The following ROBO2 variants were observed in gnomAD, a reference collection of about 807,000 sequenced individuals.
ROBO2 encodes roundabout guidance receptor 2, also known as roundabout homolog 2.
A neutral mutation model predicts 160.8 loss-of-function variants in ROBO2; 53 were observed. That is an observed-to-expected ratio of 0.33 (90% CI 0.26 to 0.41). ROBO2 has a LOEUF of 0.41. ROBO2 is among the 10% of genes least tolerant of loss of function. The pLI is 1.00. For synonymous variants in ROBO2, 664 were observed against 611.7 expected (o/e 1.09, Z -1.26); for missense variants, 1,577 against 1,722.4 (o/e 0.92, Z 1.49).
Position 77,397,452 on chromosome 3 carries a change from T to A in ROBO2, c.389-79962T>A, listed in dbSNP as rs2075385976. 2.0e-5 allele frequency among the ~76,000 whole-genome samples: 3 copies of A among 152,134 alleles called. No homozygotes were observed. In the South Asian group the frequency reaches 6.2e-4, roughly 32 times the overall value. On this transcript the variant is annotated intron_variant, in intron 2 of 25. Coordinates refer to ENST00000461745, the Ensembl canonical transcript of ROBO2. ...CGTCTTCATGAGTCCCATCATAACA[T>A]GTGCTCTTACCTAGAAGGCTCTGTC...
chr3:77,193,508 A>G lies in ROBO2; in HGVS notation c.388+95168A>G, dbSNP rs571278403. 2.4e-4 allele frequency among the ~76,000 whole-genome samples: 36 copies of G among 150,372 alleles called. 1 individual carries two copies. Among genetic ancestry groups the G allele is most frequent in the African/African-American group, 7.1e-4 (29 of 40,984 alleles). Reference sequence around the variant, plus strand: ...TTGCCTAGGCTGGTCTCAGACTTCTATCTAACCTCAAGTGATTCCAACAGA... The same window carrying G: ...TTGCCTAGGCTGGTCTCAGACTTCTGTCTAACCTCAAGTGATTCCAACAGA... On this transcript the variant is annotated intron_variant, in intron 2 of 25. Transcript: ENST00000461745.
chr3:75,960,205 C>T (rs1272321620), intron 2 of ROBO2, among the ~76,000 whole-genome samples: 1 of 151,742 alleles, frequency 6.6e-6, no homozygotes, highest in South Asian at 2.1e-4. Context: ...TCAGCTTCTC[C>T]TGGAGTCCTT....
At chr3:77,077,699 C>T (rs2068158030) in intron 1 of ROBO2, among the ~76,000 whole-genome samples, 1 of 152,210 alleles carries the variant, frequency 6.6e-6, no homozygotes, top group East Asian at 1.9e-4. Flanking sequence ...GAGTAGCATG[C>T]AGTCCTCTTG....
intron 17 of ROBO2, 141 bp downstream of exon 18, chr3:77,589,074 A>C (rs1222349814): frequency 1.1e-6 from 1 of 890,154 alleles, no homozygotes; most frequent in African/African-American, 1.7e-5. Context: ...TACACTCAAC[A>C]TGCTTTAATG....
At chr3:76,281,541 A>G (rs554704497) in intron 2 of ROBO2, among the ~76,000 whole-genome samples, 1 of 152,018 alleles carries the variant, frequency 6.6e-6, no homozygotes, top group Non-Finnish European at 1.5e-5. Context: ...TCCTACCACT[A>G]TAGCCAGGGT....
chr3:76,387,243 G>A (rs763432689), intron 2 of ROBO2, among the ~76,000 whole-genome samples: 13 of 152,112 alleles, frequency 8.5e-5, no homozygotes, highest in Non-Finnish European at 1.5e-4. Context: ...AATCCTGTTG[G>A]GTTGGGTATT....
At chr3:77,506,080 A>G (rs952113702) in intron 5 of ROBO2, among the ~76,000 whole-genome samples, 1 of 152,154 alleles carries the variant, frequency 6.6e-6, no homozygotes, top group Non-Finnish European at 1.5e-5. Context: ...GAAACATGGT[A>G]ACAAAACTGG....
chr3:77,616,866 T>TA (rs1313063526), intron 21 of ROBO2, among the ~76,000 whole-genome samples: 1 of 152,142 alleles, frequency 6.6e-6, no homozygotes, highest in Non-Finnish European at 1.5e-5. Context: ...GATCTCGTGT[T>TA]AAAGTTTTTT....
At chr3:77,474,742 T>C (rs1465030718) in intron 2 of ROBO2, among the ~76,000 whole-genome samples, 1 of 151,940 alleles carries the variant, frequency 6.6e-6, no homozygotes, top group African/African-American at 2.4e-5. Flanking sequence ...TACCAGACCA[T>C]TTTAGTTCTC....
At chr3:77,617,262 G>A (rs1289333909) in intron 21 of ROBO2, among the ~76,000 whole-genome samples, 3 of 152,158 alleles carry the variant, frequency 2.0e-5, no homozygotes, top group Non-Finnish European at 4.4e-5. Flanking sequence ...TCTTGTAACT[G>A]TGGGGTAACA....
At chr3:76,635,080 C>A (rs900356502) in intron 2 of ROBO2, among the ~76,000 whole-genome samples, 2 of 152,180 alleles carry the variant, frequency 1.3e-5, no homozygotes, top group East Asian at 3.9e-4. Flanking sequence ...CTGTCCCTAG[C>A]GCCAAAATGT....
At chr3:76,070,798 C>T (rs766494044) in intron 2 of ROBO2, among the ~76,000 whole-genome samples, 8 of 152,160 alleles carry the variant, frequency 5.3e-5, no homozygotes, top group African/African-American at 1.9e-4. Context: ...TTTCTCAAGC[C>T]GGCCGGCACT....
At chr3:77,346,630 A>G (rs558706270) in intron 2 of ROBO2, among the ~76,000 whole-genome samples, 3 of 152,196 alleles carry the variant, frequency 2.0e-5, no homozygotes, top group Non-Finnish European at 4.4e-5. Flanking sequence ...TAGAAATTCT[A>G]CGGATGAATC....
chr3:76,568,430 T>C (rs1276901366), intron 2 of ROBO2, among the ~76,000 whole-genome samples: 1 of 151,232 alleles, frequency 6.6e-6, no homozygotes, highest in Non-Finnish European at 1.5e-5. Flanking sequence ...CCCGAGTAGC[T>C]GGGACCACAG....
At chr3:76,808,029 G>A (rs1034691018) in intron 2 of ROBO2, among the ~76,000 whole-genome samples, 9 of 151,882 alleles carry the variant, frequency 5.9e-5, no homozygotes, top group Non-Finnish European at 7.4e-5. Flanking sequence ...AAATCAATAC[G>A]ATGTTAAGAG....
At chr3:76,444,995 A>G (rs1253312159) in intron 2 of ROBO2, among the ~76,000 whole-genome samples, 1 of 152,152 alleles carries the variant, frequency 6.6e-6, no homozygotes, top group Non-Finnish European at 1.5e-5. Context: ...TTTTGGAAAT[A>G]TGAAACATGC....
intron 2 of ROBO2, among the ~76,000 whole-genome samples, chr3:77,431,661 A>G (rs529219182): frequency 6.6e-6 from 1 of 152,184 alleles, no homozygotes; most frequent in South Asian, 2.1e-4. Context: ...ATACTATTCA[A>G]TAAATGTGGG....
intron 2 of ROBO2, among the ~76,000 whole-genome samples, chr3:77,122,567 C>A (rs2074885523): frequency 6.6e-6 from 1 of 152,116 alleles, no homozygotes; most frequent in African/African-American, 2.4e-5. Flanking sequence ...ACAAAGTTAG[C>A]TAATTTAAAA....
intron 2 of ROBO2, among the ~76,000 whole-genome samples, chr3:76,802,352 T>G (rs2108865646): frequency 6.6e-6 from 1 of 152,326 alleles, no homozygotes; most frequent in South Asian, 2.1e-4. Context: ...GAAAATCTAT[T>G]AGTTTACCAT....
Sources: allele counts gnomAD v4.1 joint callset (sites outside exome capture counted in the v4.1 genomes callset), GRCh38; gene constraint gnomAD v4.1.1; transcripts MANE v1.5; gene names NCBI Gene and HGNC (gene_info 2026-07-23, HGNC 2026-07-21).